Variants in GALNT13 observed in about 807,000 individuals in gnomAD.
GALNT13 encodes the protein polypeptide N-acetylgalactosaminyltransferase 13.
A neutral mutation model predicts 64.2 loss-of-function variants in GALNT13; 28 were observed. That is an observed-to-expected ratio of 0.44 (90% confidence interval 0.32 to 0.60). The LOEUF (loss-of-function observed/expected upper bound fraction) is 0.60, where lower values mean the gene tolerates loss of function less well. Ranked by LOEUF, GALNT13 falls within the 20% of genes least tolerant of loss-of-function variation. The pLI is 0.05. For synonymous variants in GALNT13, 214 were observed against 224.6 expected (o/e 0.95, Z 0.42); for missense variants, 577 against 669.8 (o/e 0.86, Z 1.53).
At chr2:153,436,861 C>A in the GALNT13 span, among the ~76,000 whole-genome samples, 1 of 152,164 alleles carries the variant, frequency 6.6e-6, no homozygotes, top group Non-Finnish European at 1.5e-5. Flanking sequence ...TTCTTGCCTT[C>A]TGCTAGGTTT....
chr2:154,139,551 G>A (rs1281910578), intron 3 of GALNT13, among the ~76,000 whole-genome samples: 1 of 151,398 alleles, frequency 6.6e-6, no homozygotes, highest in African/African-American at 2.4e-5. Flanking sequence ...AGTAACTTCA[G>A]GATGCATTTG....
chr2:153,980,595 C>A (rs572533355), intron 3 of GALNT13, among the ~76,000 whole-genome samples: 15 of 152,194 alleles, frequency 9.9e-5, no homozygotes, highest in African/African-American at 3.6e-4. Context: ...ATAGGTTGCA[C>A]TTGATGTTCC....
chr2:154,096,304 C>T (rs1702070116), intron 3 of GALNT13, among the ~76,000 whole-genome samples: 1 of 151,916 alleles, frequency 6.6e-6, no homozygotes, highest in Non-Finnish European at 1.5e-5. Flanking sequence ...CTGGGACATA[C>T]CCAGCTGGCA....
At chr2:153,443,068 G>A in the GALNT13 span, among the ~76,000 whole-genome samples, 2 of 152,074 alleles carry the variant, frequency 1.3e-5, no homozygotes, top group African/African-American at 4.8e-5. Context: ...GTTTTGTCTC[G>A]CTGGAGTTCC....
intron 9 of GALNT13, among the ~76,000 whole-genome samples, chr2:154,331,090 C>A (rs1695143024): frequency 6.6e-6 from 1 of 151,944 alleles, no homozygotes; most frequent in Non-Finnish European, 1.5e-5. Flanking sequence ...TACATATTCC[C>A]TTTATAATAT....
At chr2:154,228,721 C>G (rs994488913) in intron 4 of GALNT13, among the ~76,000 whole-genome samples, 4 of 152,044 alleles carry the variant, frequency 2.6e-5, no homozygotes, top group African/African-American at 9.7e-5. Context: ...TATGAGAAAA[C>G]AGGAACTAGG....
chr2:153,384,216 G>A, the GALNT13 span, among the ~76,000 whole-genome samples: 69 of 152,002 alleles, frequency 4.5e-4, no homozygotes, highest in African/African-American at 1.6e-3. Flanking sequence ...TTGTGGAACT[G>A]ATTGTTTCAC....
At chr2:153,302,800 A>G in the GALNT13 span, among the ~76,000 whole-genome samples, 1 of 152,130 alleles carries the variant, frequency 6.6e-6, no homozygotes, top group Admixed American at 6.6e-5. Flanking sequence ...TGAAGAGCTT[A>G]TCCTTTCCTA....
At chr2:154,333,968 A>G (rs1695303281) in intron 9 of GALNT13, among the ~76,000 whole-genome samples, 1 of 152,064 alleles carries the variant, frequency 6.6e-6, no homozygotes, top group South Asian at 2.1e-4. Context: ...CAATTGTCGT[A>G]ACTTGCAAAG....
chr2:153,971,428 C>T lies in GALNT13; in HGVS notation c.142+26789C>T, dbSNP rs116262093. ...TATTTTACTGCTGTATCTCCAGTGTCTAGAAGCGCTTGACACATCAGATAT... is the reference window on the plus strand; with the variant it reads ...TATTTTACTGCTGTATCTCCAGTGTTTAGAAGCGCTTGACACATCAGATAT... On this transcript the variant is annotated intron_variant, in intron 3 of 12. Transcript: ENST00000392825. 7.0e-3 allele frequency among the ~76,000 whole-genome samples: 1,068 copies of T among 152,126 alleles called. 11 individuals carry two copies. The highest frequency in any genetic ancestry group is 0.024 in the African/African-American group (1,015 of 41,500).
chr2:153,628,064 C>T, the GALNT13 span, among the ~76,000 whole-genome samples: 13 of 152,264 alleles, frequency 8.5e-5, no homozygotes, highest in Non-Finnish European at 1.5e-4. Context: ...CGGTCCTTCA[C>T]GTCCCTTGTA....
the GALNT13 span, among the ~76,000 whole-genome samples, chr2:153,313,302 G>A: frequency 0.021 from 3,128 of 152,206 alleles, 55 homozygotes; most frequent in South Asian, 0.047. Context: ...CAACCTAAAT[G>A]TCCATCAATG....
the GALNT13 span, among the ~76,000 whole-genome samples, chr2:153,308,750 T>C: frequency 6.6e-6 from 1 of 152,142 alleles, no homozygotes; most frequent in African/African-American, 2.4e-5. Flanking sequence ...ATGAACAAAT[T>C]ATGTTTTGTT....
At chr2:154,063,204 G>T (rs557656576) in intron 3 of GALNT13, among the ~76,000 whole-genome samples, 1 of 152,016 alleles carries the variant, frequency 6.6e-6, no homozygotes, top group Non-Finnish European at 1.5e-5. Context: ...AGGAAGCAGT[G>T]GTCTTAGAAG....
intron 1 of GALNT13, among the ~76,000 whole-genome samples, chr2:153,884,801 A>ATGTGTGTGTGTGTGTGTGTG (rs753065559): frequency 1.9e-5 from 2 of 104,970 alleles, no homozygotes. Context: ...GTGTATATAT[A>ATGTGTGTGTGTGTGTGTGTG]TATATGTGTG....
At chr2:154,330,202 A>T (rs568083588) in intron 9 of GALNT13, among the ~76,000 whole-genome samples, 2 of 152,236 alleles carry the variant, frequency 1.3e-5, no homozygotes, top group Non-Finnish European at 2.9e-5. Flanking sequence ...TGCATTTTAA[A>T]TACAGAGAGA....
chr2:153,304,189 G>A, the GALNT13 span, among the ~76,000 whole-genome samples: 115,844 of 141,130 alleles, frequency 0.82, 49,364 homozygotes, highest in African/African-American at 0.91. Flanking sequence ...GACTAGACAA[G>A]TAACTATGGC....
Position 153,936,561 on chromosome 2 carries a change from C to T in GALNT13, c.-104-7833C>T, listed in dbSNP as rs911149318. Among the ~76,000 whole-genome samples the T allele has an allele frequency of 2.6e-5, 4 of 152,182 alleles. No homozygotes were observed. The South Asian group carries it at 6.2e-4, about 24-fold the overall frequency. On this transcript the variant is annotated intron_variant, in intron 2 of 12. Coordinates refer to ENST00000392825, the MANE Select transcript of GALNT13 (RefSeq NM_052917.4). ...ACCAGGTAGGATGGTGATGTAGGCA[C>T]CTTTATCACAGAGAGCCATAAATAT...
chr2:154,400,444 T>C (rs1403084791), intron 10 of GALNT13, among the ~76,000 whole-genome samples: 5 of 152,194 alleles, frequency 3.3e-5, no homozygotes, highest in African/African-American at 1.2e-4. Context: ...TATTGGTGAA[T>C]ATAAATGTTT....
Sources: gnomAD v4.1 joint callset for allele counts (sites outside exome capture counted in the v4.1 genomes callset) on GRCh38, gnomAD v4.1.1 for gene constraint, MANE v1.5 for transcripts, NCBI Gene and HGNC (gene_info 2026-07-23, HGNC 2026-07-21) for gene names.